The following TRIM2 variants were observed in gnomAD, a reference collection of about 807,000 sequenced individuals.
The protein encoded by TRIM2 is tripartite motif containing 2, also known as tripartite motif-containing protein 2.
Under a neutral mutation model 75.2 loss-of-function variants are expected in TRIM2, and 20 were observed. The ratio of observed to expected loss-of-function variants is 0.27; its 90% CI spans 0.19 to 0.39. TRIM2 has a LOEUF of 0.39. Among genes scored for constraint, TRIM2 ranks in the 10% least tolerant of loss-of-function variants. TRIM2 has a pLI of 1.00. For missense variants in TRIM2, 660 were observed against 990.8 expected, an observed-to-expected ratio of 0.67 and a Z score of 4.48; for synonymous variants, 373 against 388.3, an observed-to-expected ratio of 0.96 and a Z score of 0.46.
intron 1 of TRIM2, among the ~76,000 whole-genome samples, chr4:153,177,218 T>C (rs1162460423): frequency 1.3e-5 from 2 of 152,232 alleles, no homozygotes; most frequent in African/African-American, 4.8e-5. Context: ...CTGGCTCTTG[T>C]CATAAGACGA....
Position 153,276,021 on chromosome 4 carries a change from A to G in TRIM2, c.344A>G (p.Asp115Gly). ...AATTTCTTCATCACAAACCTGATGG[A>G]CGTGCTGCAGCGAACTCCAGGCAGC... ...QNNFFITNLM[D>G]VLQRTPGSNA... Residue 115 changes from aspartate to glycine, a missense_variant, in exon 3 of 12, where the codon GAC becomes GGC. Asp to Gly is a moderately conservative substitution (Grantham distance 94, BLOSUM62 -1). This residue lies in a region of TRIM2 where 620 missense variants were observed against 891.0 expected (regional missense o/e 0.70). Transcript: ENST00000338700. 1 of 1,614,182 alleles carries G rather than the reference A, an allele frequency of 6.2e-7. No individual in the cohort carries two copies. Among genetic ancestry groups the G allele is most frequent in the Non-Finnish European group, 8.5e-7 (1 of 1,180,038 alleles).
chr4:153,268,716 T>G (rs546635186), intron 1 of TRIM2, among the ~76,000 whole-genome samples: 1 of 152,336 alleles, frequency 6.6e-6, no homozygotes, highest in South Asian at 2.1e-4. Flanking sequence ...AGCTGTGTTT[T>G]GTGTTGTAAC....
chr4:153,308,279 G>A, intron 6 of TRIM2: 2 of 1,547,840 alleles, frequency 1.3e-6, no homozygotes, highest in Non-Finnish European at 1.8e-6. Context: ...CACCAGATGT[G>A]TCCGAAATAA....
chr4:153,200,724 A>AAAAAAATAT (rs1405991305), upstream of TRIM2, among the ~76,000 whole-genome samples: 2 of 138,144 alleles, frequency 1.4e-5, no homozygotes, highest in African/African-American at 5.3e-5. Flanking sequence ...AAGAAAAAAA[A>AAAAAAATAT]ATATATATAT....
At chr4:153,196,269 C>G (rs1374718760) in intron 1 of TRIM2, among the ~76,000 whole-genome samples, 1 of 149,266 alleles carries the variant, frequency 6.7e-6, no homozygotes, top group Non-Finnish European at 1.5e-5. Context: ...TACCACCCCC[C>G]CCCACACACA....
intron 6 of TRIM2, among the ~76,000 whole-genome samples, chr4:153,299,279 G>T (rs1459450000): frequency 6.6e-6 from 1 of 151,886 alleles, no homozygotes; most frequent in African/African-American, 2.4e-5. Context: ...TGTCCTCCAG[G>T]TTCACCCATA....
At chr4:153,249,807 A>G (rs1458578003) in intron 1 of TRIM2, among the ~76,000 whole-genome samples, 2 of 152,226 alleles carry the variant, frequency 1.3e-5, no homozygotes, top group Non-Finnish European at 2.9e-5. Context: ...GAAGTGTGGT[A>G]ATGGAGCTCT....
At chr4:153,289,223 T>C (rs1252792768) in intron 3 of TRIM2, among the ~76,000 whole-genome samples, 1 of 152,182 alleles carries the variant, frequency 6.6e-6, no homozygotes, top group Non-Finnish European at 1.5e-5. Flanking sequence ...TAGGGTTTTT[T>C]GTTGATGATT....
chr4:153,156,363 C>T (rs1326457500), intron 1 of TRIM2, among the ~76,000 whole-genome samples: 2 of 152,170 alleles, frequency 1.3e-5, no homozygotes, highest in Admixed American at 6.5e-5. Flanking sequence ...AATAAAGGAA[C>T]GTTTCTAGTT....
chr4:153,245,466 G>A (rs1243376853), intron 1 of TRIM2, among the ~76,000 whole-genome samples: 1 of 152,242 alleles, frequency 6.6e-6, no homozygotes, highest in Non-Finnish European at 1.5e-5. Flanking sequence ...GGCAAACTAT[G>A]GCCTGTGAGC....
intron 1 of TRIM2, among the ~76,000 whole-genome samples, chr4:153,264,878 T>C (rs971894151): frequency 1.3e-5 from 2 of 152,154 alleles, no homozygotes; most frequent in Admixed American, 6.5e-5. Flanking sequence ...GTTCTAAAAA[T>C]CCAGATGCCT....
chr4:153,181,098 A>G (rs1732013297), intron 1 of TRIM2, among the ~76,000 whole-genome samples: 1 of 152,232 alleles, frequency 6.6e-6, no homozygotes, highest in Non-Finnish European at 1.5e-5. Context: ...ATAAAAAGAG[A>G]GAACTCTCAC....
At chr4:153,290,315 C>A (rs1296536883) in intron 3 of TRIM2, among the ~76,000 whole-genome samples, 1 of 152,210 alleles carries the variant, frequency 6.6e-6, no homozygotes, top group Non-Finnish European at 1.5e-5. Flanking sequence ...TGTTACCAAG[C>A]ATTTGCTGAC....
chr4:153,301,815 T>C (rs1276423013), intron 6 of TRIM2, among the ~76,000 whole-genome samples: 1 of 152,270 alleles, frequency 6.6e-6, no homozygotes, highest in Non-Finnish European at 1.5e-5. Flanking sequence ...GATTTATTTC[T>C]GAGCTCTCTA....
chr4:153,298,120 G>A (rs1579456889), intron 6 of TRIM2, among the ~76,000 whole-genome samples: 1 of 152,292 alleles, frequency 6.6e-6, no homozygotes, highest in Admixed American at 6.5e-5. Context: ...GAGAAATGCA[G>A]CCATAGTGAT....
intron 1 of TRIM2, among the ~76,000 whole-genome samples, chr4:153,167,706 C>A (rs1730453504): frequency 1.3e-5 from 2 of 152,124 alleles, no homozygotes; most frequent in African/African-American, 4.8e-5. Context: ...AATCCTACAC[C>A]CTCCACAGTA....
chr4:153,166,529 C>CCTT (rs1397985974), intron 1 of TRIM2, among the ~76,000 whole-genome samples: 1 of 141,980 alleles, frequency 7.0e-6, no homozygotes, highest in African/African-American at 2.6e-5. Flanking sequence ...TTCCTTCCTT[C>CCTT]CTTCCTTTTC....
intron 1 of TRIM2, among the ~76,000 whole-genome samples, chr4:153,249,276 C>T (rs1750174288): frequency 6.6e-6 from 1 of 152,262 alleles, no homozygotes; most frequent in Non-Finnish European, 1.5e-5. Flanking sequence ...TTTCTTCCGC[C>T]TGAGCGCAGC....
intron 1 of TRIM2, among the ~76,000 whole-genome samples, chr4:153,155,075 G>T (rs934396285): frequency 1.3e-5 from 2 of 151,626 alleles, no homozygotes; most frequent in African/African-American, 4.9e-5. Context: ...AGGAGGCAGA[G>T]GTTGCAGTGA....
Sources: allele counts gnomAD v4.1 joint callset (sites outside exome capture counted in the v4.1 genomes callset), GRCh38; gene constraint gnomAD v4.1.1; regional missense constraint gnomAD v4.1.1; transcripts MANE v1.5; gene names NCBI Gene and HGNC (gene_info 2026-07-23, HGNC 2026-07-21).